Variants in CDK19 observed in about 807,000 individuals in gnomAD.
CDK19 encodes cyclin dependent kinase 19.
In CDK19, 20 loss-of-function variants were observed where a neutral mutation model predicts 68.3. That is an observed-to-expected ratio of 0.29 (90% CI 0.21 to 0.43). The LOEUF (loss-of-function observed/expected upper bound fraction) is 0.43, where lower values mean the gene tolerates loss of function less well. Among genes scored for constraint, CDK19 ranks in the 20% least tolerant of loss-of-function variants. CDK19 has a pLI of 1.00. For missense variants in CDK19, 339 were observed against 623.5 expected (o/e 0.54, Z 4.86); for synonymous variants, 221 against 222.8 (o/e 0.99, Z 0.07).
At chr6:110,709,235 G>A (rs1774751397) in intron 2 of CDK19, among the ~76,000 whole-genome samples, 1 of 152,080 alleles carries the variant, frequency 6.6e-6, no homozygotes, top group Non-Finnish European at 1.5e-5. Flanking sequence ...CTGAAAACTG[G>A]AAGCATTCCC....
At chr6:110,622,995 A>G (rs1044643987) in intron 9 of CDK19, 83 bp from the exon 10 acceptor site, 2 of 873,440 alleles carry the variant, frequency 2.3e-6, no homozygotes, top group Non-Finnish European at 3.9e-6. Flanking sequence ...ACTGTGTAAC[A>G]GGATTAATAT....
chr6:110,710,229 C>G (rs755024231), intron 2 of CDK19, among the ~76,000 whole-genome samples: 7 of 152,130 alleles, frequency 4.6e-5, no homozygotes, highest in Non-Finnish European at 1.0e-4. Context: ...GTTATATGAG[C>G]CTTCACTTCA....
chr6:110,722,101 C>CA (rs1326478790), intron 2 of CDK19: 1 of 152,140 alleles, frequency 6.6e-6, no homozygotes, highest in Non-Finnish European at 1.5e-5. Context: ...TATGACATGG[C>CA]AAATTTTAAA....
intron 2 of CDK19, chr6:110,670,762 C>G (rs903724124): frequency 1.6e-6 from 1 of 631,718 alleles, no homozygotes; most frequent in Admixed American, 2.2e-5. Context: ...TTAGGTATAT[C>G]TGTTTTGTTT....
At chr6:110,666,951 C>T (rs1219978709) in intron 4 of CDK19, among the ~76,000 whole-genome samples, 1 of 151,926 alleles carries the variant, frequency 6.6e-6, no homozygotes, top group East Asian at 1.9e-4. Flanking sequence ...AGCTAATTTG[C>T]CTAATAAGTA....
At chr6:110,750,461 C>T (rs988395126) in intron 1 of CDK19, among the ~76,000 whole-genome samples, 1 of 151,982 alleles carries the variant, frequency 6.6e-6, no homozygotes, top group African/African-American at 2.4e-5. Context: ...ATTGATGGGA[C>T]CAAATGAACA....
At chr6:110,619,197 G>T (rs1307207663) in intron 12 of CDK19, among the ~76,000 whole-genome samples, 3 of 152,064 alleles carry the variant, frequency 2.0e-5, no homozygotes, top group South Asian at 4.2e-4. Flanking sequence ...GCTATGAAAG[G>T]TTTATTTTTA....
In CDK19 at chr6:110,642,308, C is replaced by CAA. The variant is rs56320713; in HGVS notation, c.457-3604_457-3603dup. Reference sequence around the variant, plus strand: ...TAGGCGACAGAGTGAGACTCTGTTTCAAAAAAAAAAAAAAAAAAAAAGGGT... The same window carrying CAA: ...TAGGCGACAGAGTGAGACTCTGTTTCAAAAAAAAAAAAAAAAAAAAAAAGGGT... On this transcript the variant is annotated intron_variant, in intron 4 of 12. Coordinates refer to ENST00000368911, the MANE Select transcript of CDK19 (RefSeq NM_015076.5). Among the ~76,000 whole-genome samples, 96 of 96,286 alleles carry CAA rather than the reference C, an allele frequency of 1.0e-3. No homozygotes were observed. In the East Asian group the frequency reaches 0.014, roughly 14 times the overall value. 63.2% of individuals were successfully genotyped at this position (96,286 alleles called of 152,430 possible). A position where few individuals can be genotyped will look rare whatever the true frequency, so the allele number is the denominator to read the frequency against.
chr6:110,710,985 A>G (rs1774898931), intron 2 of CDK19, among the ~76,000 whole-genome samples: 1 of 152,238 alleles, frequency 6.6e-6, no homozygotes, highest in African/African-American at 2.4e-5. Context: ...ATCGTCTATA[A>G]TAAGAGCTTA....
Position 110,622,875 on chromosome 6 carries a change from A to T in CDK19, c.971T>A (p.Ile324Asn), listed in dbSNP as rs921734283. The T allele has an allele frequency of 6.8e-6, 11 of 1,613,644 alleles. No individual in the cohort carries two copies. The highest frequency in any genetic ancestry group is 9.3e-6 in the Non-Finnish European group (11 of 1,179,640). ...KLLTMDPTKRITSEQALQDPY... is the reference protein window; with the variant it reads ...KLLTMDPTKRNTSEQALQDPY... The stretch of plus-strand genomic sequence containing the variant: ...ATCCTGCAGAGCTTGCTCCGAGGTA[A>T]TTCTCTTGGTTGGATCCATGGTCAG... The change falls in exon 10 of 13, where the codon ATT becomes AAT. Residue 324 changes from isoleucine to asparagine, a missense_variant. Ile to Asn is a moderately radical substitution (Grantham distance 149). This residue lies in a region of CDK19 where 63 missense variants were observed against 156.5 expected (regional missense o/e 0.40). Transcript: ENST00000368911.
intron 2 of CDK19, chr6:110,700,535 G>A (rs990142270): frequency 2.0e-5 from 3 of 152,156 alleles, no homozygotes; most frequent in East Asian, 3.9e-4. Flanking sequence ...CTGAGGAACA[G>A]GTCAGTAAGG....
chr6:110,662,673 C>G (rs1781692869), intron 4 of CDK19, among the ~76,000 whole-genome samples: 1 of 152,188 alleles, frequency 6.6e-6, no homozygotes, highest in African/African-American at 2.4e-5. Flanking sequence ...TATATCTTGG[C>G]ATTCTTCCAA....
chr6:110,632,897 A>G (rs1417127829), intron 5 of CDK19, among the ~76,000 whole-genome samples: 1 of 152,148 alleles, frequency 6.6e-6, no homozygotes, highest in African/African-American at 2.4e-5. Context: ...ATCCCTGATT[A>G]ATAATGACTT....
intron 12 of CDK19, among the ~76,000 whole-genome samples, chr6:110,615,429 G>A (rs1003173849): frequency 2.6e-5 from 4 of 152,216 alleles, no homozygotes; most frequent in African/African-American, 9.7e-5. Context: ...GACAAGCATA[G>A]CTGGAAGTAG....
Position 110,612,696 on chromosome 6 carries a change from T to G in CDK19, c.*1839A>C, listed in dbSNP as rs1301380882. ...TAGGCAGCTACATTATGCAGAGGGC[T>G]GCTAATTTCTTATTTTAAAAAATGG... is the stretch of plus-strand genomic sequence containing the variant. On this transcript the variant is annotated 3_prime_UTR_variant, in exon 13 of 13. Coordinates refer to ENST00000368911, the MANE Select transcript of CDK19 (RefSeq NM_015076.5). The G allele has an allele frequency of 2.0e-5, 3 of 152,338 alleles. No homozygotes were observed. The highest frequency in any genetic ancestry group is 7.2e-5 in the African/African-American group (3 of 41,460). The allele number at this position is 152,338 out of a possible 1,614,324, so 9.4% of individuals were successfully genotyped here. A position where few individuals can be genotyped will look rare whatever the true frequency, so the allele number is the denominator to read the frequency against.
chr6:110,815,419 G>A lies in CDK19; in HGVS notation c.-283C>T. ...CTCCCTCCTTCATTTCCTTGTTTTG[G>A]AACCTGGTGGGCCGCGCCGTGGCTT... On this transcript the variant is annotated 5_prime_UTR_variant, in exon 1 of 13. Transcript: ENST00000368911. The A allele has an allele frequency of 6.9e-6, 2 of 289,962 alleles. No individual in the cohort carries two copies. The highest frequency in any genetic ancestry group is 1.3e-5 in the Non-Finnish European group (2 of 157,816). The allele number at this position is 289,962 out of a possible 1,614,324, so 18.0% of individuals were successfully genotyped here.
chr6:110,807,625 A>C (rs1373225396), intron 1 of CDK19, among the ~76,000 whole-genome samples: 1 of 151,950 alleles, frequency 6.6e-6, no homozygotes, highest in Non-Finnish European at 1.5e-5. Flanking sequence ...ACGCCCGGCT[A>C]ATTTTTTGTA....
At chr6:110,670,607 T>C in intron 2 of CDK19, 66 bp from the exon 3 acceptor site, 2 of 951,774 alleles carry the variant, frequency 2.1e-6, no homozygotes, top group Middle Eastern at 2.1e-4. Context: ...ATGAATGTCT[T>C]ATAACTTCAA....
intron 1 of CDK19, among the ~76,000 whole-genome samples, chr6:110,776,098 T>C (rs1342513658): frequency 1.3e-5 from 2 of 152,202 alleles, no homozygotes; most frequent in African/African-American, 4.8e-5. Context: ...GTGCATTCTA[T>C]TTAAATTAGC....
Sources: allele counts gnomAD v4.1 joint callset (sites outside exome capture counted in the v4.1 genomes callset), GRCh38; gene constraint gnomAD v4.1.1; regional missense constraint gnomAD v4.1.1; transcripts MANE v1.5; gene names NCBI Gene and HGNC (gene_info 2026-07-23, HGNC 2026-07-21).